The following EIF2AK3 variants were observed in gnomAD, a reference collection of about 807,000 sequenced individuals.
The protein encoded by EIF2AK3 is eukaryotic translation initiation factor 2-alpha kinase 3.
In EIF2AK3, 50 loss-of-function variants were observed where a neutral mutation model predicts 113.5. The observed-to-expected ratio is 0.44, with a 90% confidence interval of 0.35 to 0.56. The LOEUF (loss-of-function observed/expected upper bound fraction) is 0.56, where lower values mean the gene tolerates loss of function less well. Ranked by LOEUF, EIF2AK3 falls within the 20% of genes least tolerant of loss-of-function variation. The pLI, the probability that EIF2AK3 is intolerant of heterozygous loss-of-function variation, is 0.00. For synonymous variants in EIF2AK3, 448 were observed against 495.4 expected (o/e 0.90, Z 1.27); for missense variants, 1,185 against 1,378.0 (o/e 0.86, Z 2.22).
At chr2:88,612,502 TAGA>T (rs1675480825) in intron 2 of EIF2AK3, among the ~76,000 whole-genome samples, 4 of 152,366 alleles carry the variant, frequency 2.6e-5, no homozygotes, top group Admixed American at 2.0e-4. Flanking sequence ...CATAATACAA[TAGA>T]AGTTCTCTAT....
At chr2:88,605,308 A>G (rs1423382353) in intron 2 of EIF2AK3, among the ~76,000 whole-genome samples, 1 of 152,228 alleles carries the variant, frequency 6.6e-6, no homozygotes, top group Non-Finnish European at 1.5e-5. Context: ...ACTATTATTC[A>G]TGAATACAAA....
chr2:88,594,948 C>T (rs1047076845), intron 3 of EIF2AK3, among the ~76,000 whole-genome samples: 2 of 151,316 alleles, frequency 1.3e-5, no homozygotes, highest in Admixed American at 1.3e-4. Flanking sequence ...AATCCCAGCA[C>T]TTTGGGAGGC....
intron 13 of EIF2AK3, 46 bp downstream of exon 13, chr2:88,574,620 A>G (rs762221996): frequency 1.5e-5 from 24 of 1,607,362 alleles, no homozygotes; most frequent in African/African-American, 1.2e-4. Context: ...CTGAATCACA[A>G]AACGTCAGAT....
intron 5 of EIF2AK3, 61 bp downstream of exon 5, chr2:88,590,754 CAAT>C: frequency 6.3e-7 from 1 of 1,593,266 alleles, no homozygotes; most frequent in Non-Finnish European, 8.6e-7. Flanking sequence ...TCCACCCAAT[CAAT>C]AAGTTTGGTC....
rs556395689 is a variant in EIF2AK3 at position 88,593,537 on chromosome 2, T to A, written c.634-132A>T. 72 of 1,067,862 alleles carry A rather than the reference T, an allele frequency of 6.7e-5. No individual in the cohort carries two copies. The South Asian group carries it at 9.7e-4, about 14-fold the overall frequency. 66.1% of individuals were successfully genotyped at this position (1,067,862 alleles called of 1,614,324 possible). A position where few individuals can be genotyped will look rare whatever the true frequency, so the allele number is the denominator to read the frequency against. On this transcript the variant is annotated intron_variant, in intron 3 of 16. Transcript: ENST00000303236. ...AAATGTGTATGAAGTACTCAAGTCA[T>A]AAGAAGCATCAGTTAGATTACCAAC... is the stretch of plus-strand genomic sequence containing the variant.
chr2:88,603,825 A>C (rs993509928), intron 2 of EIF2AK3, among the ~76,000 whole-genome samples: 4 of 152,152 alleles, frequency 2.6e-5, no homozygotes, highest in Non-Finnish European at 5.9e-5. Flanking sequence ...CTGTCAGCAC[A>C]AGACCCATAA....
At chr2:88,579,053 G>A (rs541785066) in intron 11 of EIF2AK3, among the ~76,000 whole-genome samples, 1 of 151,992 alleles carries the variant, frequency 6.6e-6, no homozygotes, top group South Asian at 2.1e-4. Flanking sequence ...GATGAAGAAA[G>A]CAACAGACAA....
intron 3 of EIF2AK3, 61 bp from the exon 4 acceptor site, chr2:88,593,466 A>G (rs1393599616): frequency 6.3e-7 from 1 of 1,584,544 alleles, no homozygotes; most frequent in Non-Finnish European, 8.6e-7. Context: ...TAGATCAGAG[A>G]TATTAAAGGA....
intron 14 of EIF2AK3, among the ~76,000 whole-genome samples, chr2:88,570,276 C>A (rs1674266461): frequency 6.6e-6 from 1 of 152,220 alleles, no homozygotes; most frequent in African/African-American, 2.4e-5. Context: ...ACCCGCTGCT[C>A]TAAGCATAGA....
intron 12 of EIF2AK3, among the ~76,000 whole-genome samples, chr2:88,576,300 G>T (rs1435544117): frequency 2.0e-5 from 3 of 151,984 alleles, no homozygotes; most frequent in Admixed American, 2.0e-4. Flanking sequence ...GGTTGGTCTT[G>T]AACTCCTGGG....
At chr2:88,591,432 G>A (rs1674887132) in intron 4 of EIF2AK3, among the ~76,000 whole-genome samples, 1 of 152,142 alleles carries the variant, frequency 6.6e-6, no homozygotes, top group Non-Finnish European at 1.5e-5. Flanking sequence ...TTAAAGGCAG[G>A]ATACATTTCA....
chr2:88,571,095 G>A, intron 13 of EIF2AK3, 54 bp from the exon 14 acceptor site: 14 of 1,576,842 alleles, frequency 8.9e-6, no homozygotes, highest in Non-Finnish European at 1.2e-5. Flanking sequence ...AGGCGAAAAA[G>A]TAAAGAGAAT....
chr2:88,602,683 A>C (rs1410673001), intron 2 of EIF2AK3, among the ~76,000 whole-genome samples: 1 of 152,196 alleles, frequency 6.6e-6, no homozygotes, highest in Non-Finnish European at 1.5e-5. Context: ...CAACTCATTA[A>C]GATTGGGAAG....
At chr2:88,622,297 T>C (rs1180684673) in intron 1 of EIF2AK3, among the ~76,000 whole-genome samples, 1 of 152,148 alleles carries the variant, frequency 6.6e-6, no homozygotes, top group Non-Finnish European at 1.5e-5. Context: ...AACTTACAAG[T>C]TTTCTCCTTT....
chr2:88,617,204 G>A (rs1300277959), intron 1 of EIF2AK3, among the ~76,000 whole-genome samples: 1 of 152,192 alleles, frequency 6.6e-6, no homozygotes, highest in Non-Finnish European at 1.5e-5. Context: ...ACAGCATTTA[G>A]TGCACTATTC....
Position 88,557,953 on chromosome 2 carries a change from T to G in EIF2AK3, c.3151-17A>C. ...CATCACGTACTGAAAATATAAAAATTGTTTTGTGATAAAACGGCCAGGTTT... is the reference window on the plus strand; with the variant it reads ...CATCACGTACTGAAAATATAAAAATGGTTTTGTGATAAAACGGCCAGGTTT... On this transcript the variant is annotated splice_polypyrimidine_tract_variant and intron_variant, in intron 16 of 16. Coordinates refer to ENST00000303236, the MANE Select transcript of EIF2AK3 (RefSeq NM_004836.7). The G allele has an allele frequency of 6.2e-7, 1 of 1,613,388 alleles. No homozygotes were observed. The highest frequency in any genetic ancestry group is 8.5e-7 in the Non-Finnish European group (1 of 1,179,382).
intron 4 of EIF2AK3, among the ~76,000 whole-genome samples, chr2:88,592,706 T>C (rs927169287): frequency 6.7e-6 from 1 of 148,902 alleles, no homozygotes; most frequent in African/African-American, 2.5e-5. Flanking sequence ...GCTGTTGTGG[T>C]GAGCTAAGAT....
chr2:88,579,989 A>C (rs1674556960), intron 10 of EIF2AK3: 1 of 238,778 alleles, frequency 4.2e-6, no homozygotes, highest in Admixed American at 5.2e-5. Context: ...TATCTTTTAC[A>C]TTCTGTGACA....
intron 15 of EIF2AK3, among the ~76,000 whole-genome samples, chr2:88,561,752 G>A (rs1173168700): frequency 3.9e-5 from 6 of 152,158 alleles, no homozygotes; most frequent in Non-Finnish European, 7.3e-5. Flanking sequence ...CCAGCTACTG[G>A]GGAGACTGAG....
Sources: gnomAD v4.1 joint callset for allele counts (sites outside exome capture counted in the v4.1 genomes callset) on GRCh38, gnomAD v4.1.1 for gene constraint, MANE v1.5 for transcripts, NCBI Gene and HGNC (gene_info 2026-07-23, HGNC 2026-07-21) for gene names.